Variants in TMEFF2 observed in about 807,000 individuals in gnomAD.
TMEFF2 encodes the protein transmembrane protein with EGF like and two follistatin like domains 2, also known as tomoregulin-2.
TMEFF2 carries 28 observed loss-of-function variants against 53.8 expected under a neutral mutation model. The observed-to-expected ratio is 0.52, with a 90% CI of 0.39 to 0.71. The LOEUF is 0.71. Ranked by LOEUF, TMEFF2 falls within the 30% of genes least tolerant of loss-of-function variation. The pLI is 0.00. For synonymous variants in TMEFF2, 162 were observed against 166.3 expected (o/e 0.97, Z 0.20); for missense variants, 353 against 455.2 (o/e 0.78, Z 2.04).
In TMEFF2 at chr2:192,072,199, T is replaced by C. The variant is rs142874376; in HGVS notation, c.440-14424A>G. ...TGGAACATTTAGAACAATTTAACCT[T>C]ACTTTTTCTATAGAGCTAATATTGA... On this transcript the variant is annotated intron_variant, in intron 4 of 9. Transcript: ENST00000272771. Among the ~76,000 whole-genome samples, 260 of 152,068 alleles carry C rather than the reference T, an allele frequency of 1.7e-3. 2 individuals carry two copies. The highest frequency in any genetic ancestry group is 2.7e-3 in the Non-Finnish European group (184 of 67,902).
chr2:192,039,442 A>T (rs1687419986), intron 5 of TMEFF2, among the ~76,000 whole-genome samples: 1 of 152,222 alleles, frequency 6.6e-6, no homozygotes, highest in African/African-American at 2.4e-5. Context: ...GTTTTTAATC[A>T]ATTAATTACA....
At chr2:192,141,467 A>G (rs900704268) in intron 4 of TMEFF2, among the ~76,000 whole-genome samples, 5 of 151,816 alleles carry the variant, frequency 3.3e-5, no homozygotes, top group Non-Finnish European at 7.4e-5. Context: ...AAGAAAAAAA[A>G]AAAAAAAAAA....
chr2:192,189,317 G>A (rs1339650877), intron 2 of TMEFF2, among the ~76,000 whole-genome samples: 1 of 151,992 alleles, frequency 6.6e-6, no homozygotes, highest in African/African-American at 2.4e-5. Context: ...ACCGAGGCGG[G>A]TGGATCTCCT....
intron 4 of TMEFF2, among the ~76,000 whole-genome samples, chr2:192,169,346 G>A (rs1210032912): frequency 1.3e-5 from 2 of 152,090 alleles, no homozygotes; most frequent in African/African-American, 4.8e-5. Flanking sequence ...AAAGCATGGA[G>A]GTATGCAATC....
At chr2:191,978,064 C>G (rs1384270294) in intron 7 of TMEFF2, among the ~76,000 whole-genome samples, 2 of 152,126 alleles carry the variant, frequency 1.3e-5, no homozygotes, top group East Asian at 3.8e-4. Context: ...AAAATTTTCT[C>G]TACTTCTTTT....
rs1453157184 is a variant in TMEFF2, at chr2:192,090,980, G to A, written c.440-33205C>T. ...CACTAGGCATGCCACGAACTCTAAT[G>A]CTCCACTGATGTGTTGAAAATATTA... On this transcript the variant is annotated intron_variant, in intron 4 of 9. Transcript: ENST00000272771. 2.0e-5 allele frequency among the ~76,000 whole-genome samples: 3 copies of A among 152,240 alleles called. No homozygotes were observed. In the South Asian group the frequency reaches 6.2e-4, roughly 32 times the overall value.
chr2:192,036,936 A>G (rs1383866041), intron 5 of TMEFF2: 1 of 152,124 alleles, frequency 6.6e-6, no homozygotes, highest in African/African-American at 2.4e-5. Context: ...AACACTTGTT[A>G]TCTGAAAGGA....
At chr2:192,144,440 G>C (rs936202828) in intron 4 of TMEFF2, among the ~76,000 whole-genome samples, 1 of 151,880 alleles carries the variant, frequency 6.6e-6, no homozygotes, top group Non-Finnish European at 1.5e-5. Context: ...TAAGTATCAC[G>C]CTCTATTTGT....
rs759200406 is a variant in TMEFF2 at position 192,194,316 on chromosome 2, G to A, written c.172+37C>T. ...GTGCTGGATACGCGTGTTCTTCTGCGGAGTTAAAGGGTCGGGGACGGGGGT... is the reference window on the plus strand; with the variant it reads ...GTGCTGGATACGCGTGTTCTTCTGCAGAGTTAAAGGGTCGGGGACGGGGGT... On this transcript the variant is annotated intron_variant, in intron 1 of 9. Transcript: ENST00000272771. This position sits in a 1 kb window ranked among gnomAD's most constrained non-coding sequence, Gnocchi z 4.2. The A allele has an allele frequency of 5.2e-5, 83 of 1,609,014 alleles. No individual in the cohort carries two copies. In the Middle Eastern group the frequency reaches 2.5e-3, roughly 48 times the overall value.
chr2:192,032,179 G>T (rs1199160652), intron 5 of TMEFF2, among the ~76,000 whole-genome samples: 2 of 152,106 alleles, frequency 1.3e-5, no homozygotes, highest in African/African-American at 4.8e-5. Flanking sequence ...CTAAGTTGAA[G>T]TTACATGACT....
intron 6 of TMEFF2, 82 bp downstream of exon 6, chr2:191,998,978 C>T: frequency 1.4e-6 from 2 of 1,394,934 alleles, no homozygotes; most frequent in Middle Eastern, 3.7e-4. Flanking sequence ...GAATAGCTGC[C>T]TAATAAGGAG....
intron 4 of TMEFF2, among the ~76,000 whole-genome samples, chr2:192,127,362 T>A (rs1427106092): frequency 6.6e-6 from 1 of 152,234 alleles, no homozygotes; most frequent in Non-Finnish European, 1.5e-5. Flanking sequence ...ATTGCTGTTT[T>A]CTGAGTGAAC....
intron 4 of TMEFF2, among the ~76,000 whole-genome samples, chr2:192,137,666 T>G (rs1690042373): frequency 6.6e-6 from 1 of 151,864 alleles, no homozygotes; most frequent in African/African-American, 2.4e-5. Context: ...AAAACAATCT[T>G]GAATGAGTCA....
intron 7 of TMEFF2, among the ~76,000 whole-genome samples, chr2:191,995,443 G>C (rs1021826618): frequency 7.2e-5 from 11 of 152,082 alleles, no homozygotes; most frequent in African/African-American, 2.6e-4. Context: ...CAAGGGAAGT[G>C]GCTGTGACAT....
intron 5 of TMEFF2, chr2:192,028,808 C>T (rs374691776): frequency 1.8e-4 from 27 of 152,082 alleles, no homozygotes; most frequent in African/African-American, 6.0e-4. Context: ...AAATTAGATG[C>T]TCTTATATTT....
intron 5 of TMEFF2, among the ~76,000 whole-genome samples, chr2:192,053,912 AAAGGTACGTTAACATAC>A (rs1574330369): frequency 6.6e-6 from 1 of 152,192 alleles, no homozygotes; most frequent in Non-Finnish European, 1.5e-5. Flanking sequence ...GTTAACATAC[AAAGGTACGTTAACATAC>A]AAGGTATGTA....
chr2:192,123,381 A>G (rs892810679), intron 4 of TMEFF2, among the ~76,000 whole-genome samples: 1 of 152,188 alleles, frequency 6.6e-6, no homozygotes, highest in Non-Finnish European at 1.5e-5. Flanking sequence ...GATCTAGATT[A>G]CAAAAACAAT....
At chr2:192,030,913 C>T (rs1687116691) in intron 5 of TMEFF2, among the ~76,000 whole-genome samples, 1 of 151,986 alleles carries the variant, frequency 6.6e-6, no homozygotes. Context: ...AGAAATACTG[C>T]AGGTTGGGCG....
chr2:192,104,701 T>TC (rs969965167), intron 4 of TMEFF2, among the ~76,000 whole-genome samples: 5 of 152,018 alleles, frequency 3.3e-5, no homozygotes, highest in African/African-American at 1.2e-4. Flanking sequence ...TTTCATCATT[T>TC]TTTTTTCCTT....
Sources: allele counts gnomAD v4.1 joint callset (sites outside exome capture counted in the v4.1 genomes callset), GRCh38; gene constraint gnomAD v4.1.1; non-coding constraint Gnocchi (gnomAD v3.1); transcripts MANE v1.5; gene names NCBI Gene and HGNC (gene_info 2026-07-23, HGNC 2026-07-21).